PRKCE: variants seen among roughly 807,000 people sequenced by gnomAD.
The protein encoded by PRKCE is protein kinase C epsilon type.
A neutral mutation model predicts 85.4 loss-of-function variants in PRKCE; 16 were observed. The observed-to-expected ratio is 0.19, with a 90% CI of 0.13 to 0.28. The LOEUF (loss-of-function observed/expected upper bound fraction) is 0.28, where lower values mean the gene tolerates loss of function less well. Ranked by LOEUF, PRKCE falls within the 10% of genes least tolerant of loss-of-function variation. PRKCE has a pLI of 1.00. For missense variants in PRKCE, 573 were observed against 975.2 expected, an observed-to-expected ratio of 0.59 and a Z score of 5.49; for synonymous variants, 388 against 371.5, an observed-to-expected ratio of 1.04 and a Z score of -0.51.
At chr2:45,780,387 T>C (rs532406503) in intron 1 of PRKCE, among the ~76,000 whole-genome samples, 1 of 152,336 alleles carries the variant, frequency 6.6e-6, no homozygotes, top group African/African-American at 2.4e-5. Flanking sequence ...TGTATTCCCA[T>C]GGTGTCTTTT....
intron 1 of PRKCE, among the ~76,000 whole-genome samples, chr2:45,749,454 TACAGGAC>T (rs1683380215): frequency 6.6e-6 from 1 of 152,182 alleles, no homozygotes; most frequent in Non-Finnish European, 1.5e-5. Flanking sequence ...GCAGTTCTGC[TACAGGAC>T]ACAGCCCAAT....
intron 1 of PRKCE, among the ~76,000 whole-genome samples, chr2:45,716,959 G>T (rs1254855808): frequency 6.6e-6 from 1 of 152,194 alleles, no homozygotes; most frequent in Non-Finnish European, 1.5e-5. Context: ...ACTATCATGA[G>T]AATAGCATGG....
At chr2:46,140,842 CA>C (rs1275514087) in intron 11 of PRKCE, among the ~76,000 whole-genome samples, 1 of 151,912 alleles carries the variant, frequency 6.6e-6, no homozygotes, top group Non-Finnish European at 1.5e-5. Context: ...CGATAAAAAA[CA>C]AACACCACAA....
intron 1 of PRKCE, among the ~76,000 whole-genome samples, chr2:45,734,478 G>A (rs1163394739): frequency 6.6e-6 from 1 of 152,236 alleles, no homozygotes; most frequent in African/African-American, 2.4e-5. Context: ...TGTAAACGGG[G>A]GGGTTGTCTG....
intron 1 of PRKCE, among the ~76,000 whole-genome samples, chr2:45,684,310 A>T (rs948824318): frequency 2.6e-5 from 4 of 152,206 alleles, no homozygotes; most frequent in Admixed American, 2.6e-4. Context: ...TGAAGAAACC[A>T]TGAGGAGATG....
chr2:45,779,596 A>ATC (rs1218956440), intron 1 of PRKCE, among the ~76,000 whole-genome samples: 2 of 148,800 alleles, frequency 1.3e-5, no homozygotes, highest in Non-Finnish European at 3.0e-5. Context: ...GCAGAAATAT[A>ATC]TTAAAGTAAA....
chr2:45,985,895 G>A (rs1703286516), intron 6 of PRKCE, among the ~76,000 whole-genome samples: 1 of 152,234 alleles, frequency 6.6e-6, no homozygotes. Flanking sequence ...TTGGGGAATA[G>A]GTCTAGACTG....
rs1574147603 is a variant in PRKCE at position 45,992,734 on chromosome 2, C to T, written c.823+8054C>T. Reference sequence around the variant, plus strand: ...TTGTCTGCTTGCTTTGGAGGAATTCCCAGGAGCCTGGCCTGCCTTTTGCTT... The same window carrying T: ...TTGTCTGCTTGCTTTGGAGGAATTCTCAGGAGCCTGGCCTGCCTTTTGCTT... On this transcript the variant is annotated intron_variant, in intron 6 of 14. Transcript: ENST00000306156. 2.0e-5 allele frequency among the ~76,000 whole-genome samples: 3 copies of T among 152,290 alleles called. No individual in the cohort carries two copies. In the South Asian group the frequency reaches 6.2e-4, roughly 32 times the overall value.
At chr2:46,085,678 T>A (rs1436578201) in intron 10 of PRKCE, among the ~76,000 whole-genome samples, 1 of 141,594 alleles carries the variant, frequency 7.1e-6, no homozygotes, top group South Asian at 2.5e-4. Context: ...CCCACGCTGG[T>A]AATCCAGGAT....
chr2:46,111,339 A>G (rs184480535), intron 11 of PRKCE, among the ~76,000 whole-genome samples: 21 of 152,360 alleles, frequency 1.4e-4, no homozygotes, highest in Admixed American at 3.9e-4. Flanking sequence ...TCATTGAGAT[A>G]TAATTCACAT....
intron 1 of PRKCE, among the ~76,000 whole-genome samples, chr2:45,681,386 A>G (rs1676892174): frequency 6.6e-6 from 1 of 150,718 alleles, no homozygotes; most frequent in Non-Finnish European, 1.5e-5. Context: ...GTCTAGGGCA[A>G]TGTAGTTATC....
intron 10 of PRKCE, among the ~76,000 whole-genome samples, chr2:46,032,943 G>A (rs577523185): frequency 4.5e-4 from 68 of 152,254 alleles, no homozygotes; most frequent in African/African-American, 1.5e-3. Flanking sequence ...CTGGAAACAC[G>A]GAGGTATAAG....
intron 1 of PRKCE, among the ~76,000 whole-genome samples, chr2:45,816,017 A>G (rs1689010781): frequency 6.6e-6 from 1 of 152,216 alleles, no homozygotes; most frequent in Non-Finnish European, 1.5e-5. Flanking sequence ...TGCAAGACAC[A>G]TCCCAAGTAC....
At chr2:45,885,002 T>TTTTTTTTTTTTTTTTG (rs375477829) in intron 2 of PRKCE, among the ~76,000 whole-genome samples, 2 of 97,642 alleles carry the variant, frequency 2.0e-5, no homozygotes, top group Non-Finnish European at 4.2e-5. Context: ...TATATATATA[T>TTTTTTTTTTTTTTTTG]TTGTTGTTGT....
chr2:45,808,280 C>G (rs779212058), intron 1 of PRKCE, among the ~76,000 whole-genome samples: 7 of 152,136 alleles, frequency 4.6e-5, no homozygotes, highest in Non-Finnish European at 8.8e-5. Flanking sequence ...ATGGTAGACA[C>G]TCAGTATATA....
intron 1 of PRKCE, among the ~76,000 whole-genome samples, chr2:45,691,290 G>C (rs1677707326): frequency 6.6e-6 from 1 of 152,100 alleles, no homozygotes; most frequent in Non-Finnish European, 1.5e-5. Flanking sequence ...GAACAGGCTG[G>C]GTGCACCTGT....
intron 2 of PRKCE, among the ~76,000 whole-genome samples, chr2:45,846,318 T>A (rs1691785128): frequency 6.6e-6 from 1 of 152,200 alleles, no homozygotes; most frequent in Admixed American, 6.5e-5. Context: ...CAATGCCCCA[T>A]GATTCACAGG....
intron 10 of PRKCE, among the ~76,000 whole-genome samples, chr2:46,039,526 G>T (rs1419697383): frequency 2.0e-5 from 3 of 151,554 alleles, no homozygotes; most frequent in African/African-American, 4.8e-5. Context: ...TTTTGTTGTT[G>T]TTTTTTTGTT....
At chr2:46,085,511 G>A (rs1005594509) in intron 10 of PRKCE, among the ~76,000 whole-genome samples, 5 of 151,744 alleles carry the variant, frequency 3.3e-5, no homozygotes, top group Admixed American at 1.3e-4. Context: ...CAGAGGTTCC[G>A]CTCCTTGCCT....
Sources: allele counts gnomAD v4.1 joint callset (sites outside exome capture counted in the v4.1 genomes callset), GRCh38; gene constraint gnomAD v4.1.1; transcripts MANE v1.5; gene names NCBI Gene and HGNC (gene_info 2026-07-23, HGNC 2026-07-21).